IMMP2L: variants seen among roughly 807,000 people sequenced by gnomAD.
IMMP2L encodes mitochondrial inner membrane protease subunit 2.
In IMMP2L, 18 loss-of-function variants were observed where a neutral mutation model predicts 19.3. That is an observed-to-expected ratio of 0.93 (90% CI 0.64 to 1.38). The LOEUF (loss-of-function observed/expected upper bound fraction) is 1.38, where lower values mean the gene tolerates loss of function less well. Among genes scored for constraint, IMMP2L ranks in the 40% most tolerant of loss-of-function variants. IMMP2L has a pLI of 0.00. For synonymous variants in IMMP2L, 76 were observed against 73.0 expected (o/e 1.04, Z -0.21); for missense variants, 233 against 218.2 (o/e 1.07, Z -0.43).
chr7:111,445,995 A>T (rs974194650), intron 3 of IMMP2L, among the ~76,000 whole-genome samples: 2 of 151,770 alleles, frequency 1.3e-5, no homozygotes, highest in East Asian at 1.9e-4. Context: ...TGCGCTTTTC[A>T]GACCGGCTTA....
intron 4 of IMMP2L, among the ~76,000 whole-genome samples, chr7:110,932,729 A>T (rs1167481842): frequency 6.6e-6 from 1 of 152,192 alleles, no homozygotes; most frequent in Non-Finnish European, 1.5e-5. Flanking sequence ...AAAAAAGGGG[A>T]AAATATGTCA....
At chr7:111,163,810 C>T (rs888416205) in intron 3 of IMMP2L, among the ~76,000 whole-genome samples, 3 of 152,008 alleles carry the variant, frequency 2.0e-5, no homozygotes, top group African/African-American at 7.2e-5. Context: ...TCTGATATCT[C>T]TTATTGAGAA....
intron 5 of IMMP2L, among the ~76,000 whole-genome samples, chr7:110,771,668 T>A (rs1799047864): frequency 6.6e-6 from 1 of 152,146 alleles, no homozygotes. Context: ...TAACTAAACA[T>A]ACGAGGGTAG....
intron 3 of IMMP2L, among the ~76,000 whole-genome samples, chr7:111,129,299 C>A (rs1308022222): frequency 1.3e-5 from 2 of 151,910 alleles, no homozygotes; most frequent in Non-Finnish European, 2.9e-5. Context: ...TTAATAGTAA[C>A]TAAATTGTGG....
chr7:110,774,897 T>C (rs1418318034), intron 5 of IMMP2L, among the ~76,000 whole-genome samples: 3 of 152,050 alleles, frequency 2.0e-5, no homozygotes, highest in Admixed American at 6.6e-5. Context: ...AATACACACA[T>C]ACACATCCTT....
At chr7:111,431,767 T>C (rs940458731) in intron 3 of IMMP2L, among the ~76,000 whole-genome samples, 1 of 151,792 alleles carries the variant, frequency 6.6e-6, no homozygotes, top group Non-Finnish European at 1.5e-5. Context: ...CATAGAAGTA[T>C]AATTTCTCTT....
At chr7:111,103,175 A>G (rs1798167725) in intron 3 of IMMP2L, among the ~76,000 whole-genome samples, 1 of 151,642 alleles carries the variant, frequency 6.6e-6, no homozygotes, top group South Asian at 2.1e-4. Context: ...CTATATCTCA[A>G]GAAATAACAA....
At chr7:110,691,346 A>G (rs995860378) in intron 5 of IMMP2L, among the ~76,000 whole-genome samples, 1 of 152,144 alleles carries the variant, frequency 6.6e-6, no homozygotes. Flanking sequence ...TTAGTCTAAG[A>G]CCTACAACAA....
intron 2 of IMMP2L, among the ~76,000 whole-genome samples, chr7:111,497,781 C>T (rs1217675946): frequency 6.6e-6 from 1 of 151,768 alleles, no homozygotes; most frequent in Non-Finnish European, 1.5e-5. Context: ...GTTAAGTGGG[C>T]TAACATAGTA....
intron 3 of IMMP2L, among the ~76,000 whole-genome samples, chr7:111,275,915 A>T (rs952004380): frequency 6.6e-6 from 1 of 152,152 alleles, no homozygotes; most frequent in African/African-American, 2.4e-5. Flanking sequence ...TACTGAATCC[A>T]TTGATCAATT....
intron 5 of IMMP2L, among the ~76,000 whole-genome samples, chr7:110,747,356 T>C (rs929509514): frequency 3.3e-5 from 5 of 152,100 alleles, no homozygotes; most frequent in Admixed American, 6.5e-5. Context: ...CCCGAAACTA[T>C]TCCAAACAAC....
intron 3 of IMMP2L, among the ~76,000 whole-genome samples, chr7:111,319,993 G>T (rs1824511320): frequency 6.6e-6 from 1 of 151,768 alleles, no homozygotes. Context: ...ATTCATTACT[G>T]TATATTTCTG....
chr7:111,014,810 G>A (rs1181108753), intron 3 of IMMP2L, among the ~76,000 whole-genome samples: 1 of 152,092 alleles, frequency 6.6e-6, no homozygotes, highest in African/African-American at 2.4e-5. Context: ...TGGCCAACAA[G>A]CTTGTGAAAA....
At chr7:110,979,305 A>T (rs1320659775) in intron 3 of IMMP2L, among the ~76,000 whole-genome samples, 1 of 152,058 alleles carries the variant, frequency 6.6e-6, no homozygotes, top group Non-Finnish European at 1.5e-5. Context: ...TTATGTCTAA[A>T]TTTTTTCTCA....
At position 111,562,260 on chromosome 7, in the gene IMMP2L, A is replaced by C. The variant is rs1049711545; in HGVS notation, c.-412T>G. 1.3e-5 allele frequency: 2 copies of C among 152,076 alleles called. No individual in the cohort carries two copies. Among genetic ancestry groups the C allele is most frequent in the African/African-American group, 4.8e-5 (2 of 41,420 alleles). 9.4% of individuals were successfully genotyped at this position (152,076 alleles called of 1,614,324 possible). A position where few individuals can be genotyped will look rare whatever the true frequency, so the allele number is the denominator to read the frequency against. On this transcript the variant is annotated 5_prime_UTR_variant, in exon 1 of 6. Transcript: ENST00000405709. ...GCCTCAGATAAACACGCGCACGCACACATGCTCGCGATCACGCAGGACTCG... is the reference window on the plus strand; with the variant it reads ...GCCTCAGATAAACACGCGCACGCACCCATGCTCGCGATCACGCAGGACTCG...
chr7:111,333,908 C>A (rs1012991824), intron 3 of IMMP2L, among the ~76,000 whole-genome samples: 3 of 152,068 alleles, frequency 2.0e-5, no homozygotes, highest in Non-Finnish European at 4.4e-5. Context: ...TTAATAAACT[C>A]CGCTTTATAT....
At chr7:110,756,256 C>A (rs1217730417) in intron 5 of IMMP2L, among the ~76,000 whole-genome samples, 1 of 152,034 alleles carries the variant, frequency 6.6e-6, no homozygotes, top group Non-Finnish European at 1.5e-5. Flanking sequence ...AGAGAAGCCA[C>A]CAGTGATGCC....
intron 3 of IMMP2L, among the ~76,000 whole-genome samples, chr7:111,051,318 C>A (rs533504067): frequency 6.6e-6 from 1 of 152,148 alleles, no homozygotes; most frequent in East Asian, 1.9e-4. Flanking sequence ...GTTTCTGAGA[C>A]CACTGAATAT....
rs577750405 is a variant in IMMP2L at position 111,283,062 on chromosome 7, T to C, written c.239+204176A>G. On this transcript the variant is annotated intron_variant, in intron 3 of 5. Transcript: ENST00000405709. ...ATGTGGAACACTGCTCCAGGACAGATCATATTCTAGGCCATAAAAAAACCT... is the reference window on the plus strand; with the variant it reads ...ATGTGGAACACTGCTCCAGGACAGACCATATTCTAGGCCATAAAAAAACCT... Among the ~76,000 whole-genome samples the C allele has an allele frequency of 7.9e-5, 12 of 152,262 alleles. 1 individual carries two copies. The East Asian group carries it at 2.3e-3, about 29-fold the overall frequency.
Sources: gnomAD v4.1 joint callset for allele counts (sites outside exome capture counted in the v4.1 genomes callset) on GRCh38, gnomAD v4.1.1 for gene constraint, MANE v1.5 for transcripts, NCBI Gene and HGNC (gene_info 2026-07-23, HGNC 2026-07-21) for gene names.